Variants in ADAMTS2 observed in about 807,000 individuals in gnomAD.
ADAMTS2 encodes ADAM metallopeptidase with thrombospondin type 1 motif 2, also known as A disintegrin and metalloproteinase with thrombospondin motifs 2.
Under a neutral mutation model 123.0 loss-of-function variants are expected in ADAMTS2, and 50 were observed. That is an observed-to-expected ratio of 0.41 (90% CI 0.32 to 0.51). The LOEUF (loss-of-function observed/expected upper bound fraction) is 0.51, where lower values mean the gene tolerates loss of function less well. Ranked by LOEUF, ADAMTS2 falls within the 20% of genes least tolerant of loss-of-function variation. The pLI is 0.35. For missense variants in ADAMTS2, 1,494 were observed against 1,705.2 expected, an observed-to-expected ratio of 0.88 and a Z score of 2.18; for synonymous variants, 678 against 695.4, an observed-to-expected ratio of 0.98 and a Z score of 0.39.
At chr5:179,337,058 G>A (rs918026050) in intron 2 of ADAMTS2, among the ~76,000 whole-genome samples, 12 of 152,178 alleles carry the variant, frequency 7.9e-5, no homozygotes, top group African/African-American at 7.2e-5. Context: ...AGCCAGCTCC[G>A]GGCTCGGTAA....
chr5:179,245,793 A>AC lies in ADAMTS2; in HGVS notation c.688+27117_688+27118insG, dbSNP rs1561628708. ...AAAAAAAAAAAAAAAAAAAAAAAAA[A>AC]AACAAAAAAAACAAAGATGGGGGTG... On this transcript the variant is annotated intron_variant, in intron 3 of 21. Coordinates refer to ENST00000251582, the MANE Select transcript of ADAMTS2 (RefSeq NM_014244.5). Among the ~76,000 whole-genome samples the AC allele has an allele frequency of 8.7e-5, 10 of 114,596 alleles. No individual in the cohort carries two copies. The South Asian group carries it at 1.3e-3, about 15-fold the overall frequency. The allele number at this position is 114,596 out of a possible 152,430, so 75.2% of individuals were successfully genotyped here. A position where few individuals can be genotyped will look rare whatever the true frequency, so the allele number is the denominator to read the frequency against.
intron 11 of ADAMTS2, 31 bp from the exon 12 acceptor site, chr5:179,137,975 C>A: frequency 6.5e-7 from 1 of 1,539,216 alleles, no homozygotes; most frequent in Non-Finnish European, 8.7e-7. Flanking sequence ...CTTGCCGCTC[C>A]GTGCCATTGG....
At chr5:179,120,365 A>G (rs1400890044) in intron 21 of ADAMTS2, 1 of 152,254 alleles carries the variant, frequency 6.6e-6, no homozygotes, top group Non-Finnish European at 1.5e-5. Context: ...CACTAATAAA[A>G]TATCCCTGAT....
chr5:179,190,095 A>G (rs1348700128), intron 4 of ADAMTS2, among the ~76,000 whole-genome samples: 1 of 152,188 alleles, frequency 6.6e-6, no homozygotes, highest in Non-Finnish European at 1.5e-5. Flanking sequence ...ATCTGGATGT[A>G]TATGTGCAGG....
Position 179,317,436 on chromosome 5 carries a change from A to G in ADAMTS2, c.534+26331T>C, listed in dbSNP as rs900209112. Among the ~76,000 whole-genome samples, 2 of 152,214 alleles carry G rather than the reference A, an allele frequency of 1.3e-5. No homozygotes were observed. Among genetic ancestry groups the G allele is most frequent in the Non-Finnish European group, 2.9e-5 (2 of 68,036 alleles). On this transcript the variant is annotated intron_variant, in intron 2 of 21. Transcript: ENST00000251582. This position sits in a 1 kb window ranked among gnomAD's most constrained non-coding sequence, Gnocchi z 4.9. ...GGAGCTTGAAGACCCAGGAGGCCAC[A>G]GCACAGTTCCTCGTGGAGGGAGAGA...
intron 7 of ADAMTS2, among the ~76,000 whole-genome samples, chr5:179,154,526 C>T (rs1341538116): frequency 6.6e-6 from 1 of 152,206 alleles, no homozygotes; most frequent in Non-Finnish European, 1.5e-5. Flanking sequence ...TGGGGTAGAG[C>T]CCACCCTGCC....
chr5:179,303,298 G>T lies in ADAMTS2; in HGVS notation c.535-30234C>A, dbSNP rs1756582225. Among the ~76,000 whole-genome samples, 2 of 152,166 alleles carry T rather than the reference G, an allele frequency of 1.3e-5. No individual in the cohort carries two copies. The highest frequency in any genetic ancestry group is 1.9e-4 in the East Asian group (1 of 5,196). ...ACACATAGAGAGGTCCCTAGGAGAA[G>T]GTTCAGGTTCCAGTAGGATGGTGTG... On this transcript the variant is annotated intron_variant, in intron 2 of 21. Transcript: ENST00000251582. The surrounding 1 kb of genome is among the most constrained non-coding windows in gnomAD (Gnocchi z 4.7).
At position 179,314,379 on chromosome 5, in the gene ADAMTS2, GGA is replaced by G. The variant is rs999297147; in HGVS notation, c.534+29386_534+29387del. Among the ~76,000 whole-genome samples the G allele has an allele frequency of 5.9e-5, 9 of 152,282 alleles. No individual in the cohort carries two copies. The highest frequency in any genetic ancestry group is 1.7e-4 in the African/African-American group (7 of 41,584). On this transcript the variant is annotated intron_variant, in intron 2 of 21. Coordinates refer to ENST00000251582, the MANE Select transcript of ADAMTS2 (RefSeq NM_014244.5). This position sits in a 1 kb window ranked among gnomAD's most constrained non-coding sequence, Gnocchi z 4.5. ...CAGCTCTGAGCTAAGTGAGCGCAGA[GGA>G]GAGTGCAGGGAGCGGCAAGGCCAGG...
At chr5:179,114,827 C>G in intron 21 of ADAMTS2, among the ~76,000 whole-genome samples, 1 of 152,208 alleles carries the variant, frequency 6.6e-6, no homozygotes, top group East Asian at 1.9e-4. Flanking sequence ...AATCCCAGGG[C>G]CGCTGTGGCC....
rs750852852 is a variant in ADAMTS2, at chr5:179,202,625, G to A, written c.891+4888C>T. Reference sequence around the variant, plus strand: ...AGACGCCCCATAAACACCGGCCCCCGTATGAACGGCAGCCAGGGGCACCAG... The same window carrying A: ...AGACGCCCCATAAACACCGGCCCCCATATGAACGGCAGCCAGGGGCACCAG... On this transcript the variant is annotated intron_variant, in intron 4 of 21. Coordinates refer to ENST00000251582, the MANE Select transcript of ADAMTS2 (RefSeq NM_014244.5). The surrounding 1 kb of genome is among the most constrained non-coding windows in gnomAD (Gnocchi z 4.0). Among the ~76,000 whole-genome samples the A allele has an allele frequency of 7.2e-5, 11 of 152,092 alleles. No individual in the cohort carries two copies. The highest frequency in any genetic ancestry group is 1.7e-4 in the African/African-American group (7 of 41,410).
chr5:179,244,991 A>G (rs1765751147), intron 3 of ADAMTS2, among the ~76,000 whole-genome samples: 1 of 152,248 alleles, frequency 6.6e-6, no homozygotes, highest in Admixed American at 6.5e-5. Context: ...AGATGTTCAC[A>G]TTCTAATCCC....
Position 179,119,294 on chromosome 5 carries a change from G to T in ADAMTS2, c.3178+2367C>A, listed in dbSNP as rs73806890. On this transcript the variant is annotated intron_variant, in intron 21 of 21. Coordinates refer to ENST00000251582, the MANE Select transcript of ADAMTS2 (RefSeq NM_014244.5). ...GAACTCAGCCATCGCTACCATGGTT[G>T]CTCCCTCCCCAGGCTAGCCCCCGGG... Among the ~76,000 whole-genome samples the T allele has an allele frequency of 6.9e-3, 1,045 of 152,324 alleles. 14 individuals are homozygous for T. Among genetic ancestry groups the T allele is most frequent in the African/African-American group, 0.024 (988 of 41,562 alleles).
intron 4 of ADAMTS2, among the ~76,000 whole-genome samples, chr5:179,203,981 C>T (rs923643853): frequency 7.9e-5 from 12 of 152,148 alleles, no homozygotes; most frequent in Admixed American, 4.6e-4. Flanking sequence ...AAAATGTGGC[C>T]GATCCACCCA....
chr5:179,320,136 G>A (rs1248844880), intron 2 of ADAMTS2, among the ~76,000 whole-genome samples: 2 of 152,242 alleles, frequency 1.3e-5, no homozygotes, highest in African/African-American at 4.8e-5. Context: ...CCTGGTGAGG[G>A]AAGGGAGGCC....
At position 179,154,210 on chromosome 5, in the gene ADAMTS2, G is replaced by C. The variant is rs1763423027; in HGVS notation, c.1239-18C>G. On this transcript the variant is annotated intron_variant, in intron 7 of 21. Coordinates refer to ENST00000251582, the MANE Select transcript of ADAMTS2 (RefSeq NM_014244.5). ...TGCCCAGCCTGCGAGGGCCGAGGCA[G>C]CTGGCTGAATCCCACTGGCACACGG... 1 of 1,543,108 alleles carries C rather than the reference G, an allele frequency of 6.5e-7. No individual in the cohort carries two copies.
In ADAMTS2 at chr5:179,310,977, ACCTCCGCCCCTTTCCAC is replaced by A. The variant is rs907537852; in HGVS notation, c.534+32773_534+32789del. On this transcript the variant is annotated intron_variant, in intron 2 of 21. Transcript: ENST00000251582. ...CCCACTTGCCGGCTGGGTCCTCTGG[ACCTCCGCCCCTTTCCAC>A]CCCAGGTTGGAGCCAAAGACCACCC... Among the ~76,000 whole-genome samples the A allele has an allele frequency of 9.3e-5, 14 of 150,584 alleles. 1 individual carries two copies. Among genetic ancestry groups the A allele is most frequent in the Admixed American group, 4.0e-4 (6 of 15,162 alleles).
chr5:179,296,661 G>A (rs1419956273), intron 2 of ADAMTS2, among the ~76,000 whole-genome samples: 1 of 152,142 alleles, frequency 6.6e-6, no homozygotes, highest in Non-Finnish European at 1.5e-5. Flanking sequence ...GGGGCGGCCT[G>A]GGCAGAGGGC....
At chr5:179,201,631 C>CAAAA (rs58141791) in intron 4 of ADAMTS2, among the ~76,000 whole-genome samples, 2,805 of 91,864 alleles carry the variant, frequency 0.031, 177 homozygotes, top group African/African-American at 0.1. Context: ...ACTAAAAATA[C>CAAAA]AAAAAAAAAA....
rs770426851 is a variant in ADAMTS2 at position 179,154,891 on chromosome 5, A to G, written c.1161T>C (p.His387=). ...QGYAPVTGMC[H]PVRSCTLNHE... ...GGTTCAGGGTGCAGCTGCGGACCGG[A>G]TGGCACATGCCGGTGACAGGAGCAT... is the stretch of plus-strand genomic sequence containing the variant. Residue 387 remains histidine (H), a synonymous_variant, in exon 7 of 22, where the codon CAT becomes CAC. Coordinates refer to ENST00000251582, the MANE Select transcript of ADAMTS2 (RefSeq NM_014244.5). 6.2e-7 allele frequency: 1 copy of G among 1,613,606 alleles called. No individual in the cohort carries two copies. The highest frequency in any genetic ancestry group is 1.7e-5 in the Admixed American group (1 of 59,992).
Sources: gnomAD v4.1 joint callset for allele counts (sites outside exome capture counted in the v4.1 genomes callset) on GRCh38, gnomAD v4.1.1 for gene constraint, Gnocchi (gnomAD v3.1) non-coding constraint, MANE v1.5 for transcripts, NCBI Gene and HGNC (gene_info 2026-07-23, HGNC 2026-07-21) for gene names.